SKAP2: variants seen among roughly 807,000 people sequenced by gnomAD.
SKAP2 encodes the protein src kinase-associated phosphoprotein 2.
Under a neutral mutation model 54.9 loss-of-function variants are expected in SKAP2, and 28 were observed. That is an observed-to-expected ratio of 0.51 (90% confidence interval 0.38 to 0.70). SKAP2 has a LOEUF of 0.70. Among genes scored for constraint, SKAP2 ranks in the 30% least tolerant of loss-of-function variants. The probability of loss-of-function intolerance (pLI) is 0.00; values close to 1 mark genes in which losing one functional copy is unlikely to be tolerated. For synonymous variants in SKAP2, 137 were observed against 134.3 expected (o/e 1.02, Z -0.14); for missense variants, 356 against 424.1 (o/e 0.84, Z 1.41).
intron 11 of SKAP2, among the ~76,000 whole-genome samples, chr7:26,681,358 C>T (rs759009584): frequency 3.9e-5 from 6 of 152,132 alleles, no homozygotes; most frequent in Admixed American, 1.3e-4. Context: ...GCAGGAGAAT[C>T]GCTTAAACCT....
intron 4 of SKAP2, among the ~76,000 whole-genome samples, chr7:26,788,708 A>T (rs965939342): frequency 2.0e-5 from 3 of 152,176 alleles, no homozygotes; most frequent in African/African-American, 7.2e-5. Context: ...GTGTAAGTTG[A>T]AAAACTGAAA....
At chr7:26,849,505 G>A (rs1784994816) in intron 3 of SKAP2, among the ~76,000 whole-genome samples, 1 of 151,934 alleles carries the variant, frequency 6.6e-6, no homozygotes, top group Non-Finnish European at 1.5e-5. Flanking sequence ...CCAACATGGT[G>A]AAACCCCGTC....
chr7:26,718,223 A>G lies in SKAP2; in HGVS notation c.796+7205T>C, dbSNP rs527806763. The stretch of plus-strand genomic sequence containing the variant: ...ATGAAAGAAATGAAAGCAAGGAAGA[A>G]GAGAAAGGATGGAAATGAAAATAGG... On this transcript the variant is annotated intron_variant, in intron 9 of 12. Coordinates refer to ENST00000345317, the MANE Select transcript of SKAP2 (RefSeq NM_003930.5). Among the ~76,000 whole-genome samples, 6 of 152,194 alleles carry G rather than the reference A, an allele frequency of 3.9e-5. No individual in the cohort carries two copies. In the South Asian group the frequency reaches 1.0e-3, roughly 26 times the overall value.
rs1309549815 is a variant in SKAP2, at chr7:26,668,182, CAG to C, written c.*1482_*1483del. 4 of 151,994 alleles carry C rather than the reference CAG, an allele frequency of 2.6e-5. No individual in the cohort carries two copies. Among genetic ancestry groups the C allele is most frequent in the African/African-American group, 9.7e-5 (4 of 41,352 alleles). The allele number at this position is 151,994 out of a possible 1,614,324, so 9.4% of individuals were successfully genotyped here. On this transcript the variant is annotated 3_prime_UTR_variant, in exon 13 of 13. Coordinates refer to ENST00000345317, the MANE Select transcript of SKAP2 (RefSeq NM_003930.5). ...TGGAGATTTTAAAATATTACCAGCT[CAG>C]ATACATGTTTAGAATCTTTATAAAG...
chr7:26,684,423 A>C (rs566288285), intron 11 of SKAP2, among the ~76,000 whole-genome samples: 95 of 152,282 alleles, frequency 6.2e-4, no homozygotes, highest in Non-Finnish European at 1.2e-3. Flanking sequence ...AAGCATAATA[A>C]ATAATCTAAT....
chr7:26,705,122 C>T (rs1787128975), intron 9 of SKAP2, among the ~76,000 whole-genome samples: 1 of 152,168 alleles, frequency 6.6e-6, no homozygotes, highest in South Asian at 2.1e-4. Flanking sequence ...AGTGCCAGAG[C>T]TCCAAAACTA....
intron 4 of SKAP2, among the ~76,000 whole-genome samples, chr7:26,767,017 T>G (rs1389786338): frequency 6.6e-6 from 1 of 152,190 alleles, no homozygotes; most frequent in Non-Finnish European, 1.5e-5. Context: ...CTTTTTCTAC[T>G]GTTTGGAATA....
chr7:26,760,404 C>T (rs1364682690), intron 4 of SKAP2, among the ~76,000 whole-genome samples: 3 of 152,030 alleles, frequency 2.0e-5, no homozygotes, highest in Non-Finnish European at 4.4e-5. Flanking sequence ...GTTATAGTCA[C>T]GCTCCCTTAT....
intron 9 of SKAP2, among the ~76,000 whole-genome samples, chr7:26,707,511 T>A (rs1349604547): frequency 1.3e-5 from 2 of 152,218 alleles, no homozygotes; most frequent in African/African-American, 4.8e-5. Flanking sequence ...CAAGCACTTA[T>A]AATTAAGTCT....
At chr7:26,849,039 G>A (rs184950879) in intron 3 of SKAP2, among the ~76,000 whole-genome samples, 3 of 152,268 alleles carry the variant, frequency 2.0e-5, no homozygotes, top group Admixed American at 2.0e-4. Context: ...GTAGGTGGTC[G>A]AAGGAAAAAG....
At chr7:26,818,938 A>G (rs1210790986) in intron 4 of SKAP2, among the ~76,000 whole-genome samples, 1 of 152,182 alleles carries the variant, frequency 6.6e-6, no homozygotes, top group Non-Finnish European at 1.5e-5. Flanking sequence ...GCTGGAGAGG[A>G]TATGGAGAAA....
At chr7:26,698,973 T>A (rs1336276605) in intron 9 of SKAP2, among the ~76,000 whole-genome samples, 1 of 152,204 alleles carries the variant, frequency 6.6e-6, no homozygotes, top group Non-Finnish European at 1.5e-5. Flanking sequence ...TTAGGTTGTG[T>A]CATAGTTGTG....
chr7:26,796,878 G>T lies in SKAP2; in HGVS notation c.307+47152C>A, dbSNP rs182041289. On this transcript the variant is annotated intron_variant, in intron 4 of 12. Transcript: ENST00000345317. ...TATGTGGATTTTCAAAAGCACAGGG[G>T]GTTGACATCCCTAAACCCTCACATT... 2.0e-3 allele frequency among the ~76,000 whole-genome samples: 299 copies of T among 152,204 alleles called. 2 individuals carry two copies. Among genetic ancestry groups the T allele is most frequent in the African/African-American group, 7.0e-3 (290 of 41,522 alleles).
At chr7:26,819,976 T>G (rs1437505229) in intron 4 of SKAP2, among the ~76,000 whole-genome samples, 1 of 152,218 alleles carries the variant, frequency 6.6e-6, no homozygotes, top group African/African-American at 2.4e-5. Context: ...TCTGTATGTT[T>G]GAAATTATTC....
chr7:26,802,836 G>A (rs1018469325), intron 4 of SKAP2, among the ~76,000 whole-genome samples: 11 of 151,850 alleles, frequency 7.2e-5, no homozygotes, highest in South Asian at 2.1e-4. Flanking sequence ...AGTCAAGATC[G>A]CACTCCAGCC....
At chr7:26,843,991 T>A (rs1299600736) in intron 4 of SKAP2, 39 bp downstream of exon 4, 1 of 1,232,744 alleles carries the variant, frequency 8.1e-7, no homozygotes, top group South Asian at 1.2e-5. Context: ...AGCATTGTTT[T>A]GTGTGAGTGT....
chr7:26,701,446 A>C (rs1040693392), intron 9 of SKAP2, among the ~76,000 whole-genome samples: 1 of 152,146 alleles, frequency 6.6e-6, no homozygotes, highest in African/African-American at 2.4e-5. Context: ...TAAAATTCGC[A>C]TTCAGGCTGG....
chr7:26,813,011 C>T (rs1358023463), intron 4 of SKAP2, among the ~76,000 whole-genome samples: 2 of 152,124 alleles, frequency 1.3e-5, no homozygotes, highest in African/African-American at 4.8e-5. Flanking sequence ...ATTCCAAATT[C>T]TATACTCACG....
chr7:26,820,525 T>A (rs944394167), intron 4 of SKAP2, among the ~76,000 whole-genome samples: 6 of 152,168 alleles, frequency 3.9e-5, no homozygotes, highest in Non-Finnish European at 8.8e-5. Flanking sequence ...TTCATTTTGA[T>A]CAAATTCTCA....
Sources: gnomAD v4.1 joint callset for allele counts (sites outside exome capture counted in the v4.1 genomes callset) on GRCh38, gnomAD v4.1.1 for gene constraint, MANE v1.5 for transcripts, NCBI Gene and HGNC (gene_info 2026-07-23, HGNC 2026-07-21) for gene names.